ITCH: variants seen among roughly 807,000 people sequenced by gnomAD.
ITCH encodes itchy E3 ubiquitin protein ligase.
ITCH carries 28 observed loss-of-function variants against 126.8 expected under a neutral mutation model. That is an observed-to-expected ratio of 0.22 (90% CI 0.16 to 0.30). The LOEUF (loss-of-function observed/expected upper bound fraction) is 0.30. Among genes scored for constraint, ITCH ranks in the 10% least tolerant of loss-of-function variants. ITCH has a pLI of 1.00. For synonymous variants in ITCH, 342 were observed against 340.0 expected, an observed-to-expected ratio of 1.01 and a Z score of -0.06; for missense variants, 631 against 1,032.4, an observed-to-expected ratio of 0.61 and a Z score of 5.33.
At chr20:34,397,146 C>A (rs1407160417) in intron 3 of ITCH, among the ~76,000 whole-genome samples, 2 of 152,120 alleles carry the variant, frequency 1.3e-5, no homozygotes, top group Non-Finnish European at 2.9e-5. Flanking sequence ...CCTCAGCCTC[C>A]CAAGTAGCTG....
At chr20:34,407,987 C>T (rs888077353) in intron 3 of ITCH, among the ~76,000 whole-genome samples, 1 of 152,120 alleles carries the variant, frequency 6.6e-6, no homozygotes, top group Non-Finnish European at 1.5e-5. Flanking sequence ...GATATGGTCT[C>T]GCTGTGCTGC....
intron 2 of ITCH, among the ~76,000 whole-genome samples, chr20:34,381,277 G>GTT (rs200033034): frequency 5.2e-4 from 78 of 149,526 alleles, no homozygotes; most frequent in African/African-American, 1.9e-3. Flanking sequence ...GTGTGTGCCT[G>GTT]TTTTTTTTGT....
rs1568970600 is a variant in ITCH at position 34,463,956 on chromosome 20, GT to G, written c.1424+1736del. 2.6e-5 allele frequency among the ~76,000 whole-genome samples: 4 copies of G among 151,834 alleles called. No individual in the cohort carries two copies. In the East Asian group the frequency reaches 7.7e-4, roughly 29 times the overall value. ...TGTATAAAACATTTTAGATTTTGAT[GT>G]CTGATTTGTCAATTTTTTCTTTTCT... On this transcript the variant is annotated intron_variant, in intron 14 of 24. Coordinates refer to ENST00000374864, the MANE Select transcript of ITCH (RefSeq NM_031483.7).
At chr20:34,474,922 T>C (rs1489728070) in intron 16 of ITCH, among the ~76,000 whole-genome samples, 1 of 136,840 alleles carries the variant, frequency 7.3e-6, no homozygotes, top group East Asian at 2.2e-4. Context: ...AGGCAGAGGG[T>C]CTCCTCACTT....
intron 2 of ITCH, among the ~76,000 whole-genome samples, chr20:34,387,302 CAAA>C (rs879381228): frequency 1.6e-5 from 2 of 121,570 alleles, no homozygotes; most frequent in Non-Finnish European, 1.8e-5. Context: ...ATGTCTGTCT[CAAA>C]AAAAAAAAAA....
intron 23 of ITCH, among the ~76,000 whole-genome samples, chr20:34,499,463 A>T (rs1990112635): frequency 6.7e-6 from 1 of 150,192 alleles, no homozygotes; most frequent in Non-Finnish European, 1.5e-5. Flanking sequence ...ATCAATTTCC[A>T]TAGGTTTTCT....
intron 1 of ITCH, among the ~76,000 whole-genome samples, chr20:34,366,011 G>A (rs2037408266): frequency 6.6e-6 from 1 of 152,136 alleles, no homozygotes; most frequent in Non-Finnish European, 1.5e-5. Flanking sequence ...GTGGAGGATT[G>A]GTTAGAAGAG....
chr20:34,452,061 C>T (rs905657765), intron 12 of ITCH, among the ~76,000 whole-genome samples: 9 of 143,970 alleles, frequency 6.3e-5, no homozygotes, highest in Admixed American at 2.1e-4. Flanking sequence ...CAGAGTGAGA[C>T]CCTGTCTCAA....
intron 3 of ITCH, among the ~76,000 whole-genome samples, chr20:34,398,689 C>T (rs1018224436): frequency 7.2e-5 from 11 of 152,100 alleles, no homozygotes; most frequent in Admixed American, 2.6e-4. Context: ...TGAGCCACCG[C>T]GCCTGGCCTT....
At chr20:34,401,305 AT>A (rs889472906) in intron 3 of ITCH, among the ~76,000 whole-genome samples, 2 of 151,406 alleles carry the variant, frequency 1.3e-5, no homozygotes, top group East Asian at 1.9e-4. Context: ...TGACCGGGAA[AT>A]TTTTTTTTAA....
chr20:34,392,362 G>GA (rs1371741162), intron 2 of ITCH, among the ~76,000 whole-genome samples: 3 of 152,062 alleles, frequency 2.0e-5, no homozygotes, highest in Non-Finnish European at 4.4e-5. Flanking sequence ...CAAGGTAAAG[G>GA]AAAAAAATAT....
intron 2 of ITCH, among the ~76,000 whole-genome samples, chr20:34,378,568 G>T (rs34152489): frequency 0.022 from 3,384 of 151,422 alleles, 59 homozygotes; most frequent in Middle Eastern, 0.038. Context: ...TACTGAACTG[G>T]GCCTTTAAAA....
At chr20:34,434,161 C>T (rs1253755611) in intron 7 of ITCH, among the ~76,000 whole-genome samples, 1 of 151,986 alleles carries the variant, frequency 6.6e-6, no homozygotes, top group East Asian at 1.9e-4. Context: ...CCTGTATTCC[C>T]AGCTACTCAG....
chr20:34,457,167 A>G (rs1452705376), intron 12 of ITCH, among the ~76,000 whole-genome samples: 1 of 152,208 alleles, frequency 6.6e-6, no homozygotes, highest in Non-Finnish European at 1.5e-5. Context: ...GGACATTATA[A>G]AGTACGTCTA....
At chr20:34,413,991 T>A (rs1338695404) in intron 6 of ITCH, 112 bp downstream of exon 6, 7 of 961,702 alleles carry the variant, frequency 7.3e-6, no homozygotes, top group Non-Finnish European at 1.1e-5. Context: ...TAAAATGTTT[T>A]TTTCTGGCCG....
chr20:34,496,903 T>A (rs2146536491), intron 23 of ITCH, among the ~76,000 whole-genome samples: 1 of 152,306 alleles, frequency 6.6e-6, no homozygotes, highest in African/African-American at 2.4e-5. Flanking sequence ...TTGATTTTTG[T>A]ACGTTATGAG....
intron 2 of ITCH, among the ~76,000 whole-genome samples, chr20:34,377,779 A>G (rs1435616125): frequency 6.6e-6 from 1 of 151,568 alleles, no homozygotes; most frequent in Non-Finnish European, 1.5e-5. Flanking sequence ...AGGTGGGAGG[A>G]TTACCTGGTC....
At chr20:34,438,368 C>A in intron 7 of ITCH, 106 bp from the exon 8 acceptor site, 3 of 1,193,586 alleles carry the variant, frequency 2.5e-6, no homozygotes, top group Non-Finnish European at 3.7e-6. Context: ...TTTTTTGAAG[C>A]TCTTAAAAAC....
At chr20:34,368,837 G>A (rs1311922779) in intron 1 of ITCH, among the ~76,000 whole-genome samples, 1 of 152,102 alleles carries the variant, frequency 6.6e-6, no homozygotes, top group Non-Finnish European at 1.5e-5. Context: ...ATAGGCTGGT[G>A]TATTTATATG....
Sources: allele counts gnomAD v4.1 joint callset (sites outside exome capture counted in the v4.1 genomes callset), GRCh38; gene constraint gnomAD v4.1.1; transcripts MANE v1.5; gene names NCBI Gene and HGNC (gene_info 2026-07-23, HGNC 2026-07-21).